The following CELF2 variants were observed in gnomAD, a reference collection of about 807,000 sequenced individuals.
The protein encoded by CELF2 is CUGBP Elav-like family member 2, also known as CUG triplet repeat RNA-binding protein 2.
A neutral mutation model predicts 62.6 loss-of-function variants in CELF2; 8 were observed. The ratio of observed to expected loss-of-function variants is 0.13; its 90% CI spans 0.07 to 0.23. The LOEUF is 0.23. Among genes scored for constraint, CELF2 ranks in the 10% least tolerant of loss-of-function variants. The pLI is 1.00. For synonymous variants in CELF2, 258 were observed against 250.0 expected, an observed-to-expected ratio of 1.03 and a Z score of -0.30; for missense variants, 333 against 671.0, an observed-to-expected ratio of 0.50 and a Z score of 5.56.
chr10:10,858,016 A>C (rs1289098545), intron 1 of CELF2, among the ~76,000 whole-genome samples: 5 of 152,090 alleles, frequency 3.3e-5, no homozygotes, highest in African/African-American at 1.2e-4. Context: ...AAATTATCTA[A>C]AGTCAGAAAT....
intron 2 of CELF2, among the ~76,000 whole-genome samples, chr10:11,197,020 GAA>G (rs1335495520): frequency 1.1e-4 from 1 of 9,462 alleles, no homozygotes; most frequent in African/African-American, 4.5e-4. Flanking sequence ...AAGAAAGAAA[GAA>G]AGAAAAGAAA....
chr10:10,677,863 G>C, the CELF2 span, among the ~76,000 whole-genome samples: 1 of 152,152 alleles, frequency 6.6e-6, no homozygotes, highest in African/African-American at 2.4e-5. Flanking sequence ...TAATCAATAA[G>C]ACTAGCCTGA....
the CELF2 span, among the ~76,000 whole-genome samples, chr10:10,528,553 A>T: frequency 6.6e-6 from 1 of 152,176 alleles, no homozygotes; most frequent in Admixed American, 6.5e-5. Context: ...CATGCACCCC[A>T]CTTAAGAGTC....
At chr10:10,504,993 C>A in the CELF2 span, among the ~76,000 whole-genome samples, 1 of 151,976 alleles carries the variant, frequency 6.6e-6, no homozygotes, top group Non-Finnish European at 1.5e-5. Flanking sequence ...CTTTTAAAAC[C>A]TTTGTCAGAT....
rs183918084 is a variant in CELF2, at chr10:10,873,479, C to G, written c.54-46485C>G. On this transcript the variant is annotated intron_variant, in intron 1 of 13. Coordinates refer to the CELF2 transcript ENST00000636488. ...TGACAACATCTTTTATCCCAAAGAGCCTTCTGAGTCTCAAGCTGGATTCTG... is the reference window on the plus strand; with the variant it reads ...TGACAACATCTTTTATCCCAAAGAGGCTTCTGAGTCTCAAGCTGGATTCTG... 1.3e-3 allele frequency among the ~76,000 whole-genome samples: 194 copies of G among 152,234 alleles called. 2 individuals carry two copies. The highest frequency in any genetic ancestry group is 6.8e-3 in the Middle Eastern group (2 of 294).
intron 1 of CELF2, among the ~76,000 whole-genome samples, chr10:10,870,338 A>G (rs905837827): frequency 6.6e-6 from 1 of 152,134 alleles, no homozygotes; most frequent in African/African-American, 2.4e-5. Flanking sequence ...ATCTCGGGGT[A>G]TATATATTTA....
intron 1 of CELF2, among the ~76,000 whole-genome samples, chr10:10,851,985 C>T (rs1393070104): frequency 6.6e-6 from 1 of 152,146 alleles, no homozygotes; most frequent in Non-Finnish European, 1.5e-5. Flanking sequence ...CTGGAAAGCC[C>T]ATACACTGCT....
the CELF2 span, among the ~76,000 whole-genome samples, chr10:10,556,501 G>A: frequency 5.3e-4 from 80 of 152,228 alleles, no homozygotes; most frequent in East Asian, 2.1e-3. Flanking sequence ...ATACGTGTGC[G>A]TGTGTCTTTA....
chr10:10,763,782 CA>C, the CELF2 span, among the ~76,000 whole-genome samples: 2 of 152,090 alleles, frequency 1.3e-5, no homozygotes, highest in Admixed American at 6.5e-5. Context: ...ATTCAAAATG[CA>C]AAATTGGAAG....
At position 10,963,481 on chromosome 10, in the gene CELF2, C is replaced by T. The variant is rs1056603410; in HGVS notation, c.89+43482C>T. ...CTCACCACTGACGGTTAGAGCTTTC[C>T]GTGAAATTTGTCAGAAGTGCATGTA... On this transcript the variant is annotated intron_variant, in intron 2 of 13. Transcript: ENST00000636488. 1.4e-4 allele frequency among the ~76,000 whole-genome samples: 21 copies of T among 152,150 alleles called. 1 individual carries two copies. Among genetic ancestry groups the T allele is most frequent in the Admixed American group, 1.1e-3 (17 of 15,284 alleles).
chr10:11,120,443 A>T (rs1444416588), intron 1 of CELF2, among the ~76,000 whole-genome samples: 1 of 152,222 alleles, frequency 6.6e-6, no homozygotes, highest in Non-Finnish European at 1.5e-5. Flanking sequence ...GTTGAATAAC[A>T]GAAAATGAAC....
At chr10:10,773,151 A>G in the CELF2 span, among the ~76,000 whole-genome samples, 1 of 152,234 alleles carries the variant, frequency 6.6e-6, no homozygotes, top group Non-Finnish European at 1.5e-5. Flanking sequence ...TATGGTGTTG[A>G]TTTCTAAGGA....
chr10:10,617,260 A>G, the CELF2 span, among the ~76,000 whole-genome samples: 2 of 152,184 alleles, frequency 1.3e-5, no homozygotes, highest in Non-Finnish European at 2.9e-5. Context: ...AATAATAGTT[A>G]ACATGTATTG....
the CELF2 span, among the ~76,000 whole-genome samples, chr10:10,634,986 T>G: frequency 2.0e-5 from 3 of 152,156 alleles, no homozygotes; most frequent in Non-Finnish European, 4.4e-5. Context: ...ATGACCCATA[T>G]AGCACAGACT....
chr10:10,671,827 T>C, the CELF2 span, among the ~76,000 whole-genome samples: 1 of 152,096 alleles, frequency 6.6e-6, no homozygotes, highest in African/African-American at 2.4e-5. Flanking sequence ...CCTCCCGAGT[T>C]CAAGTGATTC....
At chr10:11,179,755 C>G (rs572570563) in intron 2 of CELF2, among the ~76,000 whole-genome samples, 94 of 152,248 alleles carry the variant, frequency 6.2e-4, no homozygotes, top group African/African-American at 2.2e-3. Flanking sequence ...TTCTTTCCCC[C>G]CTGAAGGCTC....
chr10:10,790,845 ATTG>A, the CELF2 span, among the ~76,000 whole-genome samples: 1 of 152,038 alleles, frequency 6.6e-6, no homozygotes, highest in African/African-American at 2.4e-5. Context: ...CTTCTTTCTG[ATTG>A]TCAGTTAGAA....
At chr10:11,169,155 A>T (rs2068082155) in intron 2 of CELF2, 1 of 152,174 alleles carries the variant, frequency 6.6e-6, no homozygotes, top group African/African-American at 2.4e-5. Flanking sequence ...CAGAGCTAGG[A>T]TACAGTAGGA....
At chr10:11,101,089 T>A (rs2051479352) in intron 1 of CELF2, among the ~76,000 whole-genome samples, 1 of 152,148 alleles carries the variant, frequency 6.6e-6, no homozygotes, top group Non-Finnish European at 1.5e-5. Context: ...CAATAGGATA[T>A]TATGATGGAT....
Sources: allele counts gnomAD v4.1 joint callset (sites outside exome capture counted in the v4.1 genomes callset), GRCh38; gene constraint gnomAD v4.1.1; transcripts MANE v1.5; gene names NCBI Gene and HGNC (gene_info 2026-07-23, HGNC 2026-07-21).